The following ASH1L variants were observed in gnomAD, a reference collection of about 807,000 sequenced individuals.
The protein encoded by ASH1L is histone-lysine N-methyltransferase ASH1L.
Under a neutral mutation model 269.0 loss-of-function variants are expected in ASH1L, and 23 were observed. The ratio of observed to expected loss-of-function variants is 0.09; its 90% CI spans 0.06 to 0.12. ASH1L has a LOEUF of 0.12. Ranked by LOEUF, ASH1L falls within the 10% of genes least tolerant of loss-of-function variation. The pLI is 1.00. For synonymous variants in ASH1L, 1,187 were observed against 1,253.5 expected (o/e 0.95, Z 1.12); for missense variants, 2,912 against 3,567.8 (o/e 0.82, Z 4.68).
intron 4 of ASH1L, among the ~76,000 whole-genome samples, chr1:155,450,702 T>C (rs929311819): frequency 1.3e-5 from 2 of 152,236 alleles, no homozygotes; most frequent in African/African-American, 4.8e-5. Context: ...TCTGGGTATA[T>C]ACCAGAAAGA....
At chr1:155,421,317 GTTTTTT>G (rs11442413) in intron 5 of ASH1L, among the ~76,000 whole-genome samples, 5 of 85,892 alleles carry the variant, frequency 5.8e-5, no homozygotes, top group South Asian at 5.5e-4. Flanking sequence ...AGTACCAACA[GTTTTTT>G]TTTTTTTTTT....
chr1:155,349,710 T>TC, intron 17 of ASH1L, 114 bp from the exon 18 acceptor site: 2 of 129,598 alleles, frequency 1.5e-5, no homozygotes, highest in South Asian at 2.6e-4. Flanking sequence ...AATCCAAGTC[T>TC]TTTTTTTTTT....
intron 5 of ASH1L, 34 bp from the exon 6 acceptor site, chr1:155,415,957 G>T: frequency 7.4e-7 from 1 of 1,358,488 alleles, no homozygotes. Flanking sequence ...ATTTTATTAT[G>T]AAAAAAAAGT....
At chr1:155,562,817 T>C, upstream of ASH1L, 1 of 499,984 alleles carries the variant, frequency 2.0e-6, no homozygotes, top group Non-Finnish European at 3.8e-6. Flanking sequence ...CTCCTCCTCC[T>C]CCACCTCCTC....
chr1:155,489,473 C>CAA lies in ASH1L; in HGVS notation c.421-7026_421-7025dup, dbSNP rs748010625. Among the ~76,000 whole-genome samples, 302 of 91,102 alleles carry CAA rather than the reference C, an allele frequency of 3.3e-3. 2 individuals are homozygous for CAA. Among genetic ancestry groups the CAA allele is most frequent in the African/African-American group, 0.011 (272 of 23,702 alleles). 59.8% of individuals were successfully genotyped at this position (91,102 alleles called of 152,430 possible). Reference sequence around the variant, plus strand: ...TGGGAGACAGACCGAGGCTCTGTCTCAAAAAAAAAAAAAAGGGCTGGGCAC... The same window carrying CAA: ...TGGGAGACAGACCGAGGCTCTGTCTCAAAAAAAAAAAAAAAAGGGCTGGGCAC... On this transcript the variant is annotated intron_variant, in intron 2 of 27. Transcript: ENST00000392403.
chr1:155,441,848 C>T (rs867433561), intron 4 of ASH1L, among the ~76,000 whole-genome samples: 3 of 151,164 alleles, frequency 2.0e-5, no homozygotes, highest in Admixed American at 6.6e-5. Context: ...TCACCGCAAC[C>T]GCCACCTCCC....
At chr1:155,353,876 T>C (rs1338297384) in intron 16 of ASH1L, among the ~76,000 whole-genome samples, 1 of 152,178 alleles carries the variant, frequency 6.6e-6, no homozygotes, top group Non-Finnish European at 1.5e-5. Context: ...ATTTACTCTG[T>C]CTGCAAGTTA....
At chr1:155,384,006 T>C (rs1657203413) in intron 7 of ASH1L, among the ~76,000 whole-genome samples, 1 of 152,202 alleles carries the variant, frequency 6.6e-6, no homozygotes, top group African/African-American at 2.4e-5. Context: ...GTAAATTGGA[T>C]GGTCTGTGAA....
intron 6 of ASH1L, among the ~76,000 whole-genome samples, chr1:155,409,947 C>T (rs1307303557): frequency 6.6e-6 from 1 of 151,992 alleles, no homozygotes; most frequent in Admixed American, 6.6e-5. Flanking sequence ...GGGCAGATCA[C>T]TTGAGGTCAG....
chr1:155,482,777 T>A (rs774502425), intron 2 of ASH1L, among the ~76,000 whole-genome samples: 29 of 152,306 alleles, frequency 1.9e-4, no homozygotes, highest in Non-Finnish European at 2.5e-4. Flanking sequence ...TGGGTAAATA[T>A]AAATGAAGCA....
chr1:155,501,983 TG>T (rs1328746850), intron 2 of ASH1L, among the ~76,000 whole-genome samples: 1 of 151,738 alleles, frequency 6.6e-6, no homozygotes, highest in Non-Finnish European at 1.5e-5. Flanking sequence ...TAAATAGGCA[TG>T]AAAGTTTTAC....
intron 11 of ASH1L, 34 bp downstream of exon 11, chr1:155,370,743 C>T: frequency 1.2e-6 from 2 of 1,613,034 alleles, no homozygotes; most frequent in South Asian, 1.1e-5. Flanking sequence ...TATACCTTGG[C>T]ATTTTATTAG....
At chr1:155,387,282 A>G (rs1427117203) in intron 7 of ASH1L, among the ~76,000 whole-genome samples, 1 of 152,122 alleles carries the variant, frequency 6.6e-6, no homozygotes, top group African/African-American at 2.4e-5. Context: ...CCTACATTGA[A>G]GTTTTTAATC....
intron 5 of ASH1L, chr1:155,433,417 G>T: frequency 1.2e-6 from 2 of 1,608,288 alleles, no homozygotes; most frequent in Non-Finnish European, 1.7e-6. Context: ...GTGGGCCTCA[G>T]GTTGGAGTGC....
At chr1:155,379,594 A>C (rs140272968) in intron 8 of ASH1L, among the ~76,000 whole-genome samples, 1 of 152,206 alleles carries the variant, frequency 6.6e-6, no homozygotes, top group Non-Finnish European at 1.5e-5. Context: ...TTAAAAGTGC[A>C]AGAGTGTTAA....
chr1:155,562,520 A>C lies in ASH1L; in HGVS notation c.-467T>G. The stretch of plus-strand genomic sequence containing the variant: ...GCGAAGGGCGCCTAGCGCCCCCCTC[A>C]ACCTTCCACTCCTTCCTCCTTGCGT... On this transcript the variant is annotated 5_prime_UTR_variant, in exon 1 of 28. Transcript: ENST00000392403. 2 of 1,513,418 alleles carry C rather than the reference A, an allele frequency of 1.3e-6. No individual in the cohort carries two copies. Among genetic ancestry groups the C allele is most frequent in the Non-Finnish European group, 1.8e-6 (2 of 1,125,156 alleles). 93.7% of individuals were successfully genotyped at this position (1,513,418 alleles called of 1,614,324 possible).
At chr1:155,346,271 A>G in intron 21 of ASH1L, 112 bp downstream of exon 21, 1 of 1,555,394 alleles carries the variant, frequency 6.4e-7, no homozygotes, top group East Asian at 2.3e-5. Context: ...AGGCCCAGAG[A>G]GGCTGAACAA....
Position 155,482,306 on chromosome 1 carries a change from A to G in ASH1L, c.564T>C (p.Tyr188=), listed in dbSNP as rs1362385906. The G allele has an allele frequency of 1.2e-6, 2 of 1,614,048 alleles. No individual in the cohort carries two copies. The highest frequency in any genetic ancestry group is 1.7e-6 in the Non-Finnish European group (2 of 1,180,010). Residue 188 remains tyrosine (Y), a synonymous_variant, in exon 3 of 28, where the codon TAT becomes TAC. Coordinates refer to ENST00000392403, the MANE Select transcript of ASH1L (RefSeq NM_018489.3). The part of the protein sequence containing the change: ...LSPVHSEMAD[Y]INATPSTLLG... The stretch of plus-strand genomic sequence containing the variant: ...GAAGAGTAGATGGCGTTGCATTAAT[A>G]TAATCTGCCATTTCTGAGTGTACTG...
intron 7 of ASH1L, among the ~76,000 whole-genome samples, chr1:155,383,003 G>T (rs1457760056): frequency 1.3e-5 from 2 of 152,176 alleles, no homozygotes; most frequent in African/African-American, 4.8e-5. Flanking sequence ...GATTACAGGC[G>T]TAAGCCGCCA....
Sources: gnomAD v4.1 joint callset for allele counts (sites outside exome capture counted in the v4.1 genomes callset) on GRCh38, gnomAD v4.1.1 for gene constraint, MANE v1.5 for transcripts, NCBI Gene and HGNC (gene_info 2026-07-23, HGNC 2026-07-21) for gene names.